NF1: variants seen among roughly 807,000 people sequenced by gnomAD.
NF1 encodes neurofibromin 1, also known as neurofibromin.
Under a neutral mutation model 325.7 loss-of-function variants are expected in NF1, and 122 were observed. That is an observed-to-expected ratio of 0.37 (90% CI 0.32 to 0.44). NF1 has a LOEUF of 0.44. Ranked by LOEUF, NF1 falls within the 20% of genes least tolerant of loss-of-function variation. The pLI, the probability that NF1 is intolerant of heterozygous loss-of-function variation, is 1.00. For missense variants in NF1, 2,140 were observed against 3,415.4 expected (o/e 0.63, Z 9.31); for synonymous variants, 1,091 against 1,186.0 (o/e 0.92, Z 1.65).
At chr17:31,131,082 C>G (rs912677833) in intron 1 of NF1, among the ~76,000 whole-genome samples, 5 of 152,208 alleles carry the variant, frequency 3.3e-5, no homozygotes, top group Admixed American at 3.3e-4. Context: ...ATGGGCAAGA[C>G]TGCCCTGCAG....
intron 36 of NF1, chr17:31,318,193 G>A: frequency 7.3e-7 from 1 of 1,376,000 alleles, no homozygotes; most frequent in South Asian, 1.4e-5. Context: ...AAATTGCAAG[G>A]TCTACCATGT....
At chr17:31,322,479 A>G in intron 36 of NF1, among the ~76,000 whole-genome samples, 1 of 129,162 alleles carries the variant, frequency 7.7e-6, no homozygotes, top group Non-Finnish European at 1.6e-5. Context: ...TCCAGCCAGG[A>G]AGACAGAGTA....
chr17:31,276,868 T>G (rs935783044), intron 36 of NF1, among the ~76,000 whole-genome samples: 1 of 152,286 alleles, frequency 6.6e-6, no homozygotes, highest in South Asian at 2.1e-4. Context: ...ACACTGGGGT[T>G]AGGGGCACTG....
In NF1 at chr17:31,169,985, C is replaced by A. The variant is rs397514641; in HGVS notation, c.574C>A (p.Arg192=). 6.2e-7 allele frequency: 1 copy of A among 1,602,726 alleles called. No individual in the cohort carries two copies. The highest frequency in any genetic ancestry group is 8.5e-7 in the Non-Finnish European group (1 of 1,170,436). Residue 192 remains arginine (R), a synonymous_variant, in exon 5 of 58, where the codon CGA becomes AGA. Coordinates refer to ENST00000358273, the MANE Select transcript of NF1 (RefSeq NM_001042492.3). ...CAATGTGGATTGTGCAAAATTAAAACGACTCCTGAAGGGTAAGTTTAAATG... is the reference window on the plus strand; with the variant it reads ...CAATGTGGATTGTGCAAAATTAAAAAGACTCCTGAAGGGTAAGTTTAAATG... ...YINVDCAKLK[R]LLKETAFKFK... is the part of the protein sequence containing the mutation.
chr17:31,175,458 T>A (rs1015084663), intron 5 of NF1, among the ~76,000 whole-genome samples: 1 of 148,936 alleles, frequency 6.7e-6, no homozygotes, highest in African/African-American at 2.5e-5. Flanking sequence ...CAAGCTATCT[T>A]CCCACTCCTG....
intron 3 of NF1, among the ~76,000 whole-genome samples, chr17:31,160,331 G>A (rs761500630): frequency 1.2e-4 from 18 of 151,972 alleles, no homozygotes; most frequent in African/African-American, 3.1e-4. Context: ...CAAGTGATCC[G>A]CCCATTTTAG....
chr17:31,184,317 C>T (rs1286813468), intron 8 of NF1, among the ~76,000 whole-genome samples: 1 of 152,072 alleles, frequency 6.6e-6, no homozygotes, highest in Non-Finnish European at 1.5e-5. Flanking sequence ...CATAATGAAG[C>T]TGGTTGGTTG....
chr17:31,265,648 G>A (rs1292034743), intron 36 of NF1, among the ~76,000 whole-genome samples: 2 of 151,954 alleles, frequency 1.3e-5, no homozygotes, highest in Admixed American at 1.3e-4. Context: ...AGTATATTCT[G>A]ATTAAATAGT....
chr17:31,146,563 A>C (rs1169297572), intron 1 of NF1, among the ~76,000 whole-genome samples: 1 of 152,152 alleles, frequency 6.6e-6, no homozygotes, highest in African/African-American at 2.4e-5. Flanking sequence ...GGAGAGGAGA[A>C]TCTCTGTGTT....
At chr17:31,154,332 C>T (rs1917167388) in intron 1 of NF1, among the ~76,000 whole-genome samples, 1 of 152,088 alleles carries the variant, frequency 6.6e-6, no homozygotes, top group African/African-American at 2.4e-5. Context: ...TCTGGGATTA[C>T]AAATGTGAGC....
chr17:31,354,214 T>A (rs985376219), intron 51 of NF1, among the ~76,000 whole-genome samples: 2 of 152,176 alleles, frequency 1.3e-5, no homozygotes, highest in African/African-American at 2.4e-5. Flanking sequence ...TAAAATGATA[T>A]GTCTTGATGG....
intron 1 of NF1, among the ~76,000 whole-genome samples, chr17:31,139,194 T>C (rs56729626): frequency 0.038 from 5,832 of 152,178 alleles, 233 homozygotes; most frequent in African/African-American, 0.1. Context: ...ATTACAGGCA[T>C]GTGCCACCAT....
rs876658874 is a variant in NF1, at chr17:31,200,469, A to C, written c.936A>C (p.Gly312=). 2 of 1,614,144 alleles carry C rather than the reference A, an allele frequency of 1.2e-6. No individual in the cohort carries two copies. The highest frequency in any genetic ancestry group is 1.7e-6 in the Non-Finnish European group (2 of 1,180,010). The stretch of plus-strand genomic sequence containing the variant: ...GAAAAGCTCTTGCTGGCCATGGAGG[A>C]AGTAGGCAGCTGACAGAAAGTGCTG... ...SLRKALAGHG[G]SRQLTESAAI... is the part of the protein sequence containing the mutation. The change falls in exon 9 of 58, where the codon GGA becomes GGC. Residue 312 remains glycine (G), a synonymous_variant. Transcript: ENST00000358273.
Position 31,370,014 on chromosome 17 carries a change from T to A in NF1, c.8378-3999T>A, listed in dbSNP as rs191258289. ...GTAATGCATTTTAATTGTTTTTTTT[T>A]AATGACTTTCCAAGATTTTTGTTAG... On this transcript the variant is annotated intron_variant, in intron 57 of 57. Coordinates refer to ENST00000358273, the MANE Select transcript of NF1 (RefSeq NM_001042492.3). Among the ~76,000 whole-genome samples, 517 of 152,312 alleles carry A rather than the reference T, an allele frequency of 3.4e-3. 3 individuals are homozygous for A. The highest frequency in any genetic ancestry group is 0.012 in the African/African-American group (483 of 41,562).
intron 30 of NF1, among the ~76,000 whole-genome samples, chr17:31,249,708 A>G (rs961562107): frequency 2.0e-5 from 3 of 152,230 alleles, no homozygotes; most frequent in Admixed American, 6.5e-5. Flanking sequence ...GAAAATAGCC[A>G]TAGTCATGGC....
At position 31,095,082 on chromosome 17, in the gene NF1, T is replaced by TCCCCCC; in HGVS notation, c.-228_-227insCCCCCC. ...GGCCCCCTCCCCTCCCCGGGTCCCC[T>TCCCCCC]TCCCCTATCCCCCTCCCCCCAGCCT... On this transcript the variant is annotated 5_prime_UTR_variant, in exon 1 of 58. Transcript: ENST00000358273. The TCCCCCC allele has an allele frequency of 1.9e-5, 1 of 52,682 alleles. No homozygotes were observed. Among genetic ancestry groups the TCCCCCC allele is most frequent in the South Asian group, 4.5e-4 (1 of 2,240 alleles). 3.3% of individuals were successfully genotyped at this position (52,682 alleles called of 1,614,324 possible). A position where few individuals can be genotyped will look rare whatever the true frequency, so the allele number is the denominator to read the frequency against.
At chr17:31,097,723 G>A (rs1360006112) in intron 1 of NF1, among the ~76,000 whole-genome samples, 1 of 151,742 alleles carries the variant, frequency 6.6e-6, no homozygotes, top group Non-Finnish European at 1.5e-5. Context: ...TTGAGACAAG[G>A]TCTTGCTCTG....
At chr17:31,280,325 C>A (rs2068092611) in intron 36 of NF1, among the ~76,000 whole-genome samples, 1 of 151,074 alleles carries the variant, frequency 6.6e-6, no homozygotes, top group African/African-American at 2.4e-5. Context: ...TCAGCCTGGC[C>A]AACATGGTGA....
At chr17:31,227,638 A>C (rs1337193635) in intron 20 of NF1, 32 bp downstream of exon 20, 4 of 1,552,282 alleles carry the variant, frequency 2.6e-6, no homozygotes, top group Non-Finnish European at 2.7e-6. Flanking sequence ...TTGTCTGTTA[A>C]CTGATCTGCT....
Sources: gnomAD v4.1 joint callset for allele counts (sites outside exome capture counted in the v4.1 genomes callset) on GRCh38, gnomAD v4.1.1 for gene constraint, MANE v1.5 for transcripts, NCBI Gene and HGNC (gene_info 2026-07-23, HGNC 2026-07-21) for gene names.